The following SLC2A10 variants were observed in gnomAD, a reference collection of about 807,000 sequenced individuals.
SLC2A10 encodes solute carrier family 2, facilitated glucose transporter member 10.
In SLC2A10, 25 loss-of-function variants were observed where a neutral mutation model predicts 32.1. The observed-to-expected ratio is 0.78, with a 90% confidence interval of 0.57 to 1.09. The LOEUF (loss-of-function observed/expected upper bound fraction) is 1.09, where lower values mean the gene tolerates loss of function less well. Ranked by LOEUF, SLC2A10 falls within the 50% of genes least tolerant of loss-of-function variation. The pLI is 0.00. For synonymous variants in SLC2A10, 332 were observed against 309.6 expected (o/e 1.07, Z -0.76); for missense variants, 673 against 686.5 (o/e 0.98, Z 0.22).
At chr20:46,712,190 C>T (rs1356952620) in intron 1 of SLC2A10, among the ~76,000 whole-genome samples, 1 of 152,212 alleles carries the variant, frequency 6.6e-6, no homozygotes, top group Non-Finnish European at 1.5e-5. Flanking sequence ...GCTGTGGCTG[C>T]AATTGCTGGG....
intron 1 of SLC2A10, among the ~76,000 whole-genome samples, chr20:46,716,683 G>A (rs1979260833): frequency 1.3e-5 from 2 of 152,098 alleles, no homozygotes; most frequent in South Asian, 4.1e-4. Flanking sequence ...TCCATATGTG[G>A]TTATTTTTAT....
chr20:46,716,447 C>A (rs1173583621), intron 1 of SLC2A10, among the ~76,000 whole-genome samples: 1 of 152,182 alleles, frequency 6.6e-6, no homozygotes, highest in African/African-American at 2.4e-5. Flanking sequence ...GCCACCACAC[C>A]TGGCCATAAA....
At position 46,725,860 on chromosome 20, in the gene SLC2A10, GGC is replaced by G. The variant is rs1979900702; in HGVS notation, c.825_826del (p.Leu276TrpfsTer85). The G allele has an allele frequency of 6.2e-7, 1 of 1,614,144 alleles. No homozygotes were observed. Among genetic ancestry groups the G allele is most frequent in the East Asian group, 2.2e-5 (1 of 44,894 alleles). The stretch of plus-strand genomic sequence containing the variant: ...TCCTCAGCCGTGCTGGCCTCTGTGG[GGC>G]TTGGCGCAGTGAAGGTGGCAGCTAC... On this transcript the variant is annotated frameshift_variant, in exon 2 of 5. Transcript: ENST00000359271. LOFTEE classifies it high-confidence loss of function.
intron 1 of SLC2A10, chr20:46,710,084 A>C: frequency 2.1e-6 from 1 of 471,138 alleles, no homozygotes; most frequent in Non-Finnish European, 3.7e-6. Context: ...AGGCTCCGAA[A>C]GAAGCAAAGC....
chr20:46,733,290 A>C (rs922899909), intron 4 of SLC2A10, among the ~76,000 whole-genome samples: 2 of 152,120 alleles, frequency 1.3e-5, no homozygotes, highest in Non-Finnish European at 2.9e-5. Context: ...GGTGCTGCAC[A>C]CTTTTAAATC....
chr20:46,720,196 T>A lies in SLC2A10; in HGVS notation c.5-4845T>A, dbSNP rs1216813882. 5.3e-5 allele frequency among the ~76,000 whole-genome samples: 8 copies of A among 152,206 alleles called. No homozygotes were observed. In the South Asian group the frequency reaches 1.0e-3, roughly 20 times the overall value. ...CAGCTGAGAGGGGCACAGAGTGAGA[T>A]GAGGTATGCACAGATACACAAGAAA... On this transcript the variant is annotated intron_variant, in intron 1 of 4. Coordinates refer to ENST00000359271, the MANE Select transcript of SLC2A10 (RefSeq NM_030777.4).
chr20:46,709,944 C>A (rs1299237519), intron 1 of SLC2A10: 4 of 576,426 alleles, frequency 6.9e-6, no homozygotes, highest in Non-Finnish European at 1.2e-5. Flanking sequence ...CTTCCATCTT[C>A]CTTTCTGCCC....
rs761214955 is a variant in SLC2A10, at chr20:46,725,074, CTG to C, written c.42_43del (p.Ser15PhefsTer10). 1 of 1,614,248 alleles carries C rather than the reference CTG, an allele frequency of 6.2e-7. No individual in the cohort carries two copies. The highest frequency in any genetic ancestry group is 2.2e-5 in the East Asian group (1 of 44,888). On this transcript the variant is annotated frameshift_variant, in exon 2 of 5. Transcript: ENST00000359271. LOFTEE classifies it high-confidence loss of function. Reference sequence around the variant, plus strand: ...CCACCTGTCCTGCCTTTGTGTGCCTCTGTGTCTTTGCTGGGTGGCCTGACCTT... The same window carrying C: ...CCACCTGTCCTGCCTTTGTGTGCCTCTGTCTTTGCTGGGTGGCCTGACCTT...
chr20:46,724,929 G>T, intron 1 of SLC2A10, 112 bp from the exon 2 acceptor site: 1 of 1,378,616 alleles, frequency 7.3e-7, no homozygotes, highest in Admixed American at 1.9e-5. Flanking sequence ...TTGAATAGAT[G>T]GAGTAGATGG....
intron 4 of SLC2A10, among the ~76,000 whole-genome samples, chr20:46,732,413 C>T (rs776465780): frequency 2.6e-5 from 4 of 152,062 alleles, no homozygotes; most frequent in African/African-American, 9.7e-5. Context: ...GACCCATGAC[C>T]GGGAGAGACC....
At position 46,729,456 on chromosome 20, in the gene SLC2A10, G is replaced by T. The variant is rs777778418; in HGVS notation, c.1515G>T (p.Leu505Phe). ...LFVPETKGQS[L>F]AEIDQQFQKR... ...TTCCTGAAACAAAAGGCCAGTCGTT[G>T]GCAGAGATAGACCAGCAGTTCCAGA... The change falls in exon 4 of 5, where the codon TTG becomes TTT. Residue 505 changes from leucine to phenylalanine, a missense_variant. By Grantham distance (22) the Leu-to-Phe change is conservative. Transcript: ENST00000359271. The T allele has an allele frequency of 6.2e-7, 1 of 1,614,014 alleles. No individual in the cohort carries two copies. Among genetic ancestry groups the T allele is most frequent in the South Asian group, 1.1e-5 (1 of 91,060 alleles).
Position 46,725,653 on chromosome 20 carries a change from C to A in SLC2A10, c.617C>A (p.Ala206Asp), listed in dbSNP as rs879052180. ...CTCATCCCACTCCAGGGAGGTGAGG[C>A]CCCCAAGCTGGGCCCGGGGAGGCCA... is the stretch of plus-strand genomic sequence containing the variant. ...KDLIPLQGGE[A>D]PKLGPGRPRY... Residue 206 changes from alanine to aspartate, a missense_variant, in exon 2 of 5, where the codon GCC (alanine) becomes GAC (aspartate). Transcript: ENST00000359271. 2.5e-6 allele frequency: 4 copies of A among 1,613,864 alleles called. No individual in the cohort carries two copies. In the Admixed American group the frequency reaches 5.0e-5, roughly 20 times the overall value.
intron 1 of SLC2A10, among the ~76,000 whole-genome samples, chr20:46,711,983 C>T (rs1217491635): frequency 2.0e-5 from 3 of 152,110 alleles, no homozygotes; most frequent in Non-Finnish European, 4.4e-5. Context: ...TCAGACTGCC[C>T]GAGTTCAAGT....
intron 1 of SLC2A10, among the ~76,000 whole-genome samples, chr20:46,719,612 A>G (rs887182352): frequency 6.6e-6 from 1 of 152,184 alleles, no homozygotes; most frequent in Non-Finnish European, 1.5e-5. Context: ...TGACTCAATT[A>G]TCTCCCACTG....
At chr20:46,712,418 C>G (rs977272680) in intron 1 of SLC2A10, among the ~76,000 whole-genome samples, 1 of 152,058 alleles carries the variant, frequency 6.6e-6, no homozygotes, top group Non-Finnish European at 1.5e-5. Context: ...GTTCTCCCCC[C>G]TCCCCCTGCC....
Position 46,726,199 on chromosome 20 carries a change from G to A in SLC2A10, c.1163G>A (p.Arg388Gln), listed in dbSNP as rs780660981. ...TCTGGAGACCCCTCAGCCCCTCCTC[G>A]GCTGGCCCTGAGCTCTGCCCTCCCT... is the stretch of plus-strand genomic sequence containing the variant. ...PRSGDPSAPP[R>Q]LALSSALPGP... The change falls in exon 2 of 5, where the codon CGG becomes CAG. Residue 388 changes from arginine to glutamine, a missense_variant. Physicochemically the swap from Arg to Gln is conservative, Grantham distance 43 (BLOSUM62 1). Coordinates refer to ENST00000359271, the MANE Select transcript of SLC2A10 (RefSeq NM_030777.4). 1.1e-5 allele frequency: 17 copies of A among 1,614,158 alleles called. No homozygotes were observed. The highest frequency in any genetic ancestry group is 2.2e-5 in the East Asian group (1 of 44,880).
rs763220502 is a variant in SLC2A10 at position 46,726,884 on chromosome 20, G to A, written c.1309G>A (p.Glu437Lys). ...FGPVTWLVLS[E>K]IYPVEIRGRA... Reference sequence around the variant, plus strand: ...CCTAGTGACCTGGCTTGTCCTCAGCGAGATCTACCCTGTGGAGATACGAGG... The same window carrying A: ...CCTAGTGACCTGGCTTGTCCTCAGCAAGATCTACCCTGTGGAGATACGAGG... The change falls in exon 3 of 5, where the codon GAG becomes AAG. Residue 437 changes from glutamate (E) to lysine (K), a missense_variant. Glu to Lys is a moderately conservative substitution (Grantham distance 56). Transcript: ENST00000359271. The A allele has an allele frequency of 2.0e-5, 33 of 1,613,994 alleles. No individual in the cohort carries two copies. Among genetic ancestry groups the A allele is most frequent in the South Asian group, 4.4e-5 (4 of 91,076 alleles).
chr20:46,714,125 G>C (rs1262582298), intron 1 of SLC2A10, among the ~76,000 whole-genome samples: 1 of 152,182 alleles, frequency 6.6e-6, no homozygotes, highest in African/African-American at 2.4e-5. Context: ...ATGGCTTCAG[G>C]TGCAGTTGGA....
chr20:46,719,756 A>G (rs1979448148), intron 1 of SLC2A10, among the ~76,000 whole-genome samples: 2 of 152,224 alleles, frequency 1.3e-5, no homozygotes, highest in Non-Finnish European at 2.9e-5. Flanking sequence ...CAAGTCTGGC[A>G]TTGGGCAGGA....
Sources: gnomAD v4.1 joint callset for allele counts (sites outside exome capture counted in the v4.1 genomes callset) on GRCh38, gnomAD v4.1.1 for gene constraint, MANE v1.5 for transcripts, NCBI Gene and HGNC (gene_info 2026-07-23, HGNC 2026-07-21) for gene names.